KLHL22: variants seen among roughly 807,000 people sequenced by gnomAD.
KLHL22 encodes the protein kelch like family member 22, also known as kelch-like protein 22.
KLHL22 carries 18 observed loss-of-function variants against 60.7 expected under a neutral mutation model. The ratio of observed to expected loss-of-function variants is 0.30; its 90% CI spans 0.20 to 0.44. The LOEUF (loss-of-function observed/expected upper bound fraction) is 0.44. Ranked by LOEUF, KLHL22 falls within the 20% of genes least tolerant of loss-of-function variation. The pLI is 1.00. For missense variants in KLHL22, 596 were observed against 852.3 expected (o/e 0.70, Z 3.74); for synonymous variants, 355 against 354.5 (o/e 1.00, Z -0.01).
chr22:20,454,659 T>C (rs1457913102), intron 5 of KLHL22, among the ~76,000 whole-genome samples: 1 of 152,202 alleles, frequency 6.6e-6, no homozygotes, highest in African/African-American at 2.4e-5. Context: ...GAAATTTTGA[T>C]AGGAATACTA....
chr22:20,495,488 G>A lies in KLHL22; in HGVS notation c.-34+272C>T, dbSNP rs976609055. ...CCAGGAGGCCGGCGCGCCAGCAGCC[G>A]CGCTGAGGAGGCCTCGCACCCTGGC... On this transcript the variant is annotated intron_variant, in intron 1 of 6. Coordinates refer to ENST00000328879, the MANE Select transcript of KLHL22 (RefSeq NM_032775.4). The surrounding 1 kb of genome is among the most constrained non-coding windows in gnomAD (Gnocchi z 4.6). Among the ~76,000 whole-genome samples, 1 of 151,876 alleles carries A rather than the reference G, an allele frequency of 6.6e-6. No individual in the cohort carries two copies. The highest frequency in any genetic ancestry group is 2.4e-5 in the African/African-American group (1 of 41,402).
At chr22:20,452,944 T>C (rs146376649) in intron 5 of KLHL22, among the ~76,000 whole-genome samples, 286 of 152,332 alleles carry the variant, frequency 1.9e-3, no homozygotes, top group Middle Eastern at 0.014. Flanking sequence ...TCCTTACCTG[T>C]CCTTTAGTGT....
At chr22:20,461,015 G>A (rs2053146400) in intron 4 of KLHL22, among the ~76,000 whole-genome samples, 1 of 152,216 alleles carries the variant, frequency 6.6e-6, no homozygotes, top group African/African-American at 2.4e-5. Context: ...TCTCCACCAT[G>A]TGAGAACACA....
intron 5 of KLHL22, chr22:20,451,789 T>C: frequency 6.2e-7 from 1 of 1,600,988 alleles, no homozygotes; most frequent in East Asian, 2.2e-5. Context: ...AACCCAGCGC[T>C]GTGATGCTGG....
chr22:20,488,637 G>C, intron 2 of KLHL22: 1 of 281,682 alleles, frequency 3.6e-6, no homozygotes, highest in South Asian at 3.3e-5. Context: ...GCCAGAAGGT[G>C]ATGCATACAC....
At chr22:20,451,770 A>G in intron 5 of KLHL22, 1 of 1,590,374 alleles carries the variant, frequency 6.3e-7, no homozygotes. Context: ...AAGTCGTGAC[A>G]TCCATGGGAA....
At chr22:20,466,245 G>A (rs368325851) in intron 3 of KLHL22, among the ~76,000 whole-genome samples, 12 of 151,658 alleles carry the variant, frequency 7.9e-5, no homozygotes, top group Admixed American at 5.3e-4. Context: ...GTGGTGGCGC[G>A]CGCCTGTAAT....
At chr22:20,444,767 T>A (rs550503572) in intron 6 of KLHL22, among the ~76,000 whole-genome samples, 3 of 151,602 alleles carry the variant, frequency 2.0e-5, no homozygotes, top group African/African-American at 7.2e-5. Flanking sequence ...GAATGGGATA[T>A]GGGATGCTCT....
At position 20,457,998 on chromosome 22, in the gene KLHL22, T is replaced by C; in HGVS notation, c.1115A>G (p.Tyr372Cys). Residue 372 changes from tyrosine (Y) to cysteine (C), a missense_variant and splice_region_variant, in exon 5 of 7, where the codon TAT (tyrosine) becomes TGT (cysteine). Tyr to Cys is a radical substitution (Grantham distance 194). Coordinates refer to ENST00000328879, the MANE Select transcript of KLHL22 (RefSeq NM_032775.4). ...GFRAESRCWRYDPRHNRWFQI... is the reference protein window; with the variant it reads ...GFRAESRCWRCDPRHNRWFQI... ...GAACCAGCGGTTGTGCCGTGGGTCATACCTGTGCCGAGACATGAGGAAAGC... is the reference window on the plus strand; with the variant it reads ...GAACCAGCGGTTGTGCCGTGGGTCACACCTGTGCCGAGACATGAGGAAAGC... 1.2e-6 allele frequency: 2 copies of C among 1,614,040 alleles called. No homozygotes were observed. Among genetic ancestry groups the C allele is most frequent in the Non-Finnish European group, 1.7e-6 (2 of 1,179,976 alleles).
rs200835134 is a variant in KLHL22 at position 20,442,375 on chromosome 22, C to T, written c.1603G>A (p.Gly535Ser). 38 of 1,613,444 alleles carry T rather than the reference C, an allele frequency of 2.4e-5. No homozygotes were observed. Among genetic ancestry groups the T allele is most frequent in the Non-Finnish European group, 2.5e-5 (29 of 1,179,740 alleles). The part of the protein sequence containing the change: ...SSVCPLPAGH[G>S]EPGIAVLDNR... ...TCCAGCACAGCAATGCCAGGCTCAC[C>T]GTGCCCAGCAGGGAGTGGGCAGACA... The change falls in exon 7 of 7, where the codon GGT becomes AGT. Residue 535 changes from glycine to serine, a missense_variant. Transcript: ENST00000328879.
intron 4 of KLHL22, 142 bp downstream of exon 4, chr22:20,464,716 G>A: frequency 1.6e-6 from 1 of 615,624 alleles, no homozygotes. Flanking sequence ...CACCTTCTCT[G>A]AATTCACCTA....
At chr22:20,472,716 A>T (rs571577132) in intron 2 of KLHL22, among the ~76,000 whole-genome samples, 4 of 152,256 alleles carry the variant, frequency 2.6e-5, no homozygotes, top group Non-Finnish European at 4.4e-5. Context: ...ACACAGCAAG[A>T]CTCTGTCTCA....
intron 4 of KLHL22, among the ~76,000 whole-genome samples, chr22:20,462,150 G>A (rs1411394725): frequency 2.0e-5 from 3 of 150,946 alleles, no homozygotes; most frequent in South Asian, 2.1e-4. Context: ...GGTGGTCGGC[G>A]CCTGTAATCC....
At position 20,471,340 on chromosome 22, in the gene KLHL22, C is replaced by T. The variant is rs781074518; in HGVS notation, c.393+10G>A. 8.7e-6 allele frequency: 14 copies of T among 1,612,132 alleles called. No homozygotes were observed. The highest frequency in any genetic ancestry group is 1.7e-5 in the Admixed American group (1 of 59,872). Reference sequence around the variant, plus strand: ...TGTGGGTCTGCCTTGCTAGATGAGACATGCCTCACCTGAAGCTGGCAGGCA... The same window carrying T: ...TGTGGGTCTGCCTTGCTAGATGAGATATGCCTCACCTGAAGCTGGCAGGCA... On this transcript the variant is annotated intron_variant, in intron 3 of 6. Transcript: ENST00000328879.
intron 6 of KLHL22, among the ~76,000 whole-genome samples, chr22:20,445,024 A>G (rs2052834028): frequency 6.6e-6 from 1 of 151,712 alleles, no homozygotes; most frequent in Non-Finnish European, 1.5e-5. Context: ...GACTCAAGCC[A>G]TCCACCTGCC....
chr22:20,467,444 C>T (rs976319579), intron 3 of KLHL22, among the ~76,000 whole-genome samples: 2 of 152,192 alleles, frequency 1.3e-5, no homozygotes, highest in Admixed American at 6.5e-5. Flanking sequence ...GGCCAGATCA[C>T]CCTGGTGTTT....
intron 2 of KLHL22, among the ~76,000 whole-genome samples, chr22:20,472,562 C>G (rs1015695611): frequency 3.3e-5 from 5 of 152,140 alleles, no homozygotes; most frequent in Non-Finnish European, 5.9e-5. Context: ...CCCGTCTCTA[C>G]TAAAAATACA....
chr22:20,476,464 G>A (rs1211976036), intron 2 of KLHL22, among the ~76,000 whole-genome samples: 1 of 139,006 alleles, frequency 7.2e-6, no homozygotes, highest in Non-Finnish European at 1.5e-5. Flanking sequence ...CCAGGCTGGA[G>A]TGCAGTGGCG....
At chr22:20,463,391 G>C (rs2146212990) in intron 4 of KLHL22, among the ~76,000 whole-genome samples, 2 of 152,356 alleles carry the variant, frequency 1.3e-5, no homozygotes, top group South Asian at 4.1e-4. Context: ...GCCCATAGCA[G>C]GTGGACAGAG....
Sources: allele counts gnomAD v4.1 joint callset (sites outside exome capture counted in the v4.1 genomes callset), GRCh38; gene constraint gnomAD v4.1.1; non-coding constraint Gnocchi (gnomAD v3.1); transcripts MANE v1.5; gene names NCBI Gene and HGNC (gene_info 2026-07-23, HGNC 2026-07-21).